Variants in PALLD observed in about 807,000 individuals in gnomAD.
PALLD encodes the protein palladin, cytoskeletal associated protein, also known as palladin.
Under a neutral mutation model 123.5 loss-of-function variants are expected in PALLD, and 61 were observed. The ratio of observed to expected loss-of-function variants is 0.49; its 90% CI spans 0.40 to 0.61. The LOEUF (loss-of-function observed/expected upper bound fraction) is 0.61. Among genes scored for constraint, PALLD ranks in the 20% least tolerant of loss-of-function variants. The pLI, the probability that PALLD is intolerant of heterozygous loss-of-function variation, is 0.00. For missense variants in PALLD, 1,273 were observed against 1,377.0 expected, an observed-to-expected ratio of 0.92 and a Z score of 1.20; for synonymous variants, 465 against 496.4, an observed-to-expected ratio of 0.94 and a Z score of 0.84.
intron 8 of PALLD, among the ~76,000 whole-genome samples, chr4:168,698,167 C>T (rs1561413781): frequency 6.6e-6 from 1 of 152,138 alleles, no homozygotes; most frequent in South Asian, 2.1e-4. Context: ...ATCTAAAAAT[C>T]GAAACAGTAG....
At chr4:168,687,529 G>A (rs1410377283) in intron 6 of PALLD, among the ~76,000 whole-genome samples, 10 of 152,200 alleles carry the variant, frequency 6.6e-5, no homozygotes, top group Non-Finnish European at 1.3e-4. Flanking sequence ...TGATTTGGGG[G>A]TGCCAGGGCC....
chr4:168,904,015 T>A, intron 15 of PALLD, 109 bp downstream of exon 15: 4 of 1,133,264 alleles, frequency 3.5e-6, no homozygotes, highest in Non-Finnish European at 5.3e-6. Context: ...CTTTGATTTA[T>A]GAAACTATTT....
chr4:168,920,265 G>C (rs774343739), intron 17 of PALLD, among the ~76,000 whole-genome samples: 3 of 152,170 alleles, frequency 2.0e-5, no homozygotes, highest in Non-Finnish European at 4.4e-5. Context: ...AACTACTGCT[G>C]TTTGTTTCCA....
intron 2 of PALLD, among the ~76,000 whole-genome samples, chr4:168,625,435 G>A (rs955192621): frequency 8.8e-6 from 1 of 113,072 alleles, no homozygotes; most frequent in Non-Finnish European, 2.0e-5. Context: ...CAGAGTGAAA[G>A]GTCAGCCTAT....
intron 2 of PALLD, among the ~76,000 whole-genome samples, chr4:168,527,786 C>T (rs1460859572): frequency 6.6e-6 from 1 of 152,154 alleles, no homozygotes; most frequent in Non-Finnish European, 1.5e-5. Context: ...GAACAGACTC[C>T]TTCAGGTTTC....
chr4:168,768,385 C>G (rs1220716311), intron 10 of PALLD, among the ~76,000 whole-genome samples: 2 of 152,172 alleles, frequency 1.3e-5, no homozygotes, highest in Non-Finnish European at 2.9e-5. Flanking sequence ...TACCCTGAAC[C>G]TGGAACACTT....
At chr4:168,683,815 T>G (rs1391122917) in intron 5 of PALLD, among the ~76,000 whole-genome samples, 1 of 152,194 alleles carries the variant, frequency 6.6e-6, no homozygotes, top group Non-Finnish European at 1.5e-5. Context: ...TGAGTATGTC[T>G]TATAAGTATC....
chr4:168,658,399 C>T (rs1428210296), intron 2 of PALLD, among the ~76,000 whole-genome samples: 17 of 151,688 alleles, frequency 1.1e-4, no homozygotes, highest in Non-Finnish European at 1.5e-5. Context: ...ATCCTCCCAC[C>T]TCAGCCTCCT....
At chr4:168,551,721 T>G (rs1766751864) in intron 2 of PALLD, among the ~76,000 whole-genome samples, 1 of 151,856 alleles carries the variant, frequency 6.6e-6, no homozygotes, top group Non-Finnish European at 1.5e-5. Context: ...ATGTGAATCA[T>G]GTATTTAGAG....
chr4:168,910,905 T>C (rs1351483338), intron 15 of PALLD, among the ~76,000 whole-genome samples: 1 of 152,174 alleles, frequency 6.6e-6, no homozygotes, highest in Non-Finnish European at 1.5e-5. Context: ...ATATACCTCA[T>C]GTAAAGTATA....
intron 2 of PALLD, among the ~76,000 whole-genome samples, chr4:168,524,433 C>A (rs1010360170): frequency 9.9e-5 from 15 of 152,190 alleles, no homozygotes; most frequent in African/African-American, 3.6e-4. Flanking sequence ...CTGAGACAAA[C>A]TGGCTCCTGG....
At chr4:168,783,355 A>T (rs1363380367) in intron 10 of PALLD, among the ~76,000 whole-genome samples, 1 of 152,258 alleles carries the variant, frequency 6.6e-6, no homozygotes, top group Middle Eastern at 3.4e-3. Context: ...AAATAAGCAT[A>T]ATACAGAGAG....
intron 2 of PALLD, among the ~76,000 whole-genome samples, chr4:168,525,542 C>T (rs758292331): frequency 2.0e-5 from 3 of 152,196 alleles, no homozygotes; most frequent in Non-Finnish European, 4.4e-5. Context: ...ATTGTACACA[C>T]TCAGCTCTAC....
intron 2 of PALLD, among the ~76,000 whole-genome samples, chr4:168,635,041 C>T (rs1019442113): frequency 6.6e-6 from 1 of 152,026 alleles, no homozygotes; most frequent in African/African-American, 2.4e-5. Context: ...GAGAAGAGAC[C>T]CAACTCTCTC....
chr4:168,631,873 G>T, intron 2 of PALLD: 1 of 985,508 alleles, frequency 1.0e-6, no homozygotes, highest in South Asian at 4.7e-5. Context: ...TTTGGGAGTG[G>T]GGGCAGACGG....
At chr4:168,901,132 A>ATTCTCCTTC (rs1434911112) in intron 14 of PALLD, among the ~76,000 whole-genome samples, 1 of 151,884 alleles carries the variant, frequency 6.6e-6, no homozygotes, top group African/African-American at 2.4e-5. Flanking sequence ...CTCAACCTTC[A>ATTCTCCTTC]TTCTCCTTCT....
chr4:168,523,968 A>G (rs1763816873), intron 2 of PALLD, among the ~76,000 whole-genome samples: 1 of 152,214 alleles, frequency 6.6e-6, no homozygotes, highest in Non-Finnish European at 1.5e-5. Context: ...ATATAATAAT[A>G]TTAATAGCCA....
At chr4:168,755,328 TG>T (rs1209873301) in intron 10 of PALLD, among the ~76,000 whole-genome samples, 2 of 151,160 alleles carry the variant, frequency 1.3e-5, no homozygotes, top group African/African-American at 2.4e-5. Context: ...GAGTAAAATA[TG>T]GGCAGGGACT....
chr4:168,538,345 G>A (rs1765283746), intron 2 of PALLD, among the ~76,000 whole-genome samples: 1 of 151,936 alleles, frequency 6.6e-6, no homozygotes, highest in African/African-American at 2.4e-5. Flanking sequence ...GAAAAGGTAA[G>A]TATACAAAGA....
Sources: allele counts gnomAD v4.1 joint callset (sites outside exome capture counted in the v4.1 genomes callset), GRCh38; gene constraint gnomAD v4.1.1; transcripts MANE v1.5; gene names NCBI Gene and HGNC (gene_info 2026-07-23, HGNC 2026-07-21).